The following USP34 variants were observed in gnomAD, a reference collection of about 807,000 sequenced individuals.
USP34 encodes ubiquitin carboxyl-terminal hydrolase 34.
In USP34, 70 loss-of-function variants were observed where a neutral mutation model predicts 460.3. The observed-to-expected ratio is 0.15, with a 90% confidence interval of 0.13 to 0.19. The LOEUF (loss-of-function observed/expected upper bound fraction) is 0.19. Among genes scored for constraint, USP34 ranks in the 10% least tolerant of loss-of-function variants. The pLI, the probability that USP34 is intolerant of heterozygous loss-of-function variation, is 1.00. For synonymous variants in USP34, 1,647 were observed against 1,405.3 expected (o/e 1.17, Z -3.85); for missense variants, 3,985 against 4,236.2 (o/e 0.94, Z 1.65).
At chr2:61,329,343 G>A (rs1347946153) in intron 20 of USP34, among the ~76,000 whole-genome samples, 1 of 152,064 alleles carries the variant, frequency 6.6e-6, no homozygotes, top group Non-Finnish European at 1.5e-5. Context: ...GATTTTTATA[G>A]AGCATAAATG....
chr2:61,337,397 T>C (rs1276500883), intron 18 of USP34, among the ~76,000 whole-genome samples: 1 of 112,982 alleles, frequency 8.9e-6, no homozygotes, highest in Non-Finnish European at 2.1e-5. Flanking sequence ...TTATCCTTTC[T>C]ACTTTTTTTT....
Position 61,280,368 on chromosome 2 carries a change from C to A in USP34, c.5152-20G>T. On this transcript the variant is annotated intron_variant, in intron 38 of 79. Coordinates refer to ENST00000398571, the MANE Select transcript of USP34 (RefSeq NM_014709.4). ...ATCTATCTATTAAAAAAATTTTATACTTTGTGAAAACATTTTAAAAATAAA... is the reference window on the plus strand; with the variant it reads ...ATCTATCTATTAAAAAAATTTTATAATTTGTGAAAACATTTTAAAAATAAA... 8.0e-7 allele frequency: 1 copy of A among 1,250,266 alleles called. No homozygotes were observed. Among genetic ancestry groups the A allele is most frequent in the Non-Finnish European group, 1.1e-6 (1 of 925,184 alleles). 77.4% of individuals were successfully genotyped at this position (1,250,266 alleles called of 1,614,324 possible). A position where few individuals can be genotyped will look rare whatever the true frequency, so the allele number is the denominator to read the frequency against.
intron 75 of USP34, chr2:61,194,084 G>C: frequency 2.0e-6 from 2 of 984,932 alleles, no homozygotes; most frequent in Non-Finnish European, 2.4e-6. Context: ...CATGTGGGTT[G>C]TAATTTGCCA....
At chr2:61,262,130 T>TATAGATAGATAG (rs59881307) in intron 43 of USP34, among the ~76,000 whole-genome samples, 7 of 113,706 alleles carry the variant, frequency 6.2e-5, no homozygotes, top group East Asian at 5.8e-4. Context: ...TATATATATA[T>TATAGATAGATAG]ATAGATAGAT....
Position 61,221,462 on chromosome 2 carries a change from C to A in USP34, c.7899+40G>T, listed in dbSNP as rs764283855. The A allele has an allele frequency of 1.9e-6, 3 of 1,548,644 alleles. No homozygotes were observed. In the South Asian group the frequency reaches 3.6e-5, roughly 18 times the overall value. On this transcript the variant is annotated intron_variant, in intron 66 of 79. Coordinates refer to ENST00000398571, the MANE Select transcript of USP34 (RefSeq NM_014709.4). ...GACTATATTATAAAAATAAAATCCT[C>A]AGGAAAATAAACATTGAAAACACCT...
At chr2:61,190,494 C>CT (rs1183437188) in intron 77 of USP34, 24 bp downstream of exon 77, 1 of 1,608,070 alleles carries the variant, frequency 6.2e-7, no homozygotes, top group African/African-American at 1.3e-5. Flanking sequence ...AAATGACACA[C>CT]TGAGTTTCCA....
intron 30 of USP34, among the ~76,000 whole-genome samples, chr2:61,296,508 AAAC>A (rs1419503176): frequency 2.6e-5 from 4 of 152,228 alleles, no homozygotes; most frequent in African/African-American, 9.6e-5. Flanking sequence ...TAAGAACAAA[AAAC>A]AATATTAAAA....
Position 61,319,207 on chromosome 2 carries a change from CCCATAG to C in USP34, c.3128_3133del (p.Ala1043_Met1044del). 1 of 1,583,172 alleles carries C rather than the reference CCCATAG, an allele frequency of 6.3e-7. No individual in the cohort carries two copies. The stretch of plus-strand genomic sequence containing the variant: ...GAAAAGATGTTTGTAGGTTTCCATA[CCCATAG>C]CATGTTGATCTTTACTTCGAACTTG... On this transcript the variant is annotated inframe_deletion, in exon 22 of 80. Transcript: ENST00000398571.
At chr2:61,392,569 A>G (rs1693382324) in intron 5 of USP34, among the ~76,000 whole-genome samples, 1 of 152,100 alleles carries the variant, frequency 6.6e-6, no homozygotes, top group South Asian at 2.1e-4. Context: ...TGCTGCAGTG[A>G]GCCAAGATGG....
intron 37 of USP34, among the ~76,000 whole-genome samples, chr2:61,282,677 C>A (rs928827182): frequency 1.3e-5 from 2 of 152,030 alleles, no homozygotes; most frequent in African/African-American, 2.4e-5. Flanking sequence ...ATGGTCCCAG[C>A]TACTTGGGAG....
At chr2:61,449,080 C>A (rs1695195944) in intron 1 of USP34, among the ~76,000 whole-genome samples, 1 of 151,944 alleles carries the variant, frequency 6.6e-6, no homozygotes, top group South Asian at 2.1e-4. Context: ...CTGCTTGAAC[C>A]TGGGAGGTGG....
intron 2 of USP34, among the ~76,000 whole-genome samples, chr2:61,411,839 T>A: frequency 6.6e-6 from 1 of 152,202 alleles, no homozygotes; most frequent in East Asian, 1.9e-4. Flanking sequence ...AGGATAACAA[T>A]AATAAGATAT....
At chr2:61,452,347 CAG>C (rs1263662213) in intron 1 of USP34, among the ~76,000 whole-genome samples, 68 of 102,280 alleles carry the variant, frequency 6.6e-4, no homozygotes, top group African/African-American at 2.5e-3. Context: ...TTTTTTGAGA[CAG>C]AGTCTCACTC....
intron 5 of USP34, among the ~76,000 whole-genome samples, chr2:61,392,112 G>C (rs540980759): frequency 1.3e-5 from 2 of 152,280 alleles, no homozygotes; most frequent in South Asian, 2.1e-4. Flanking sequence ...CTAAACCTTT[G>C]TATTTAGTAA....
At chr2:61,422,269 A>T (rs964746544) in intron 1 of USP34, among the ~76,000 whole-genome samples, 1 of 152,228 alleles carries the variant, frequency 6.6e-6, no homozygotes, top group Non-Finnish European at 1.5e-5. Flanking sequence ...TTCCCCAGCC[A>T]TAACAGTGCC....
At chr2:61,441,948 C>G (rs1192384285) in intron 1 of USP34, among the ~76,000 whole-genome samples, 3 of 151,562 alleles carry the variant, frequency 2.0e-5, no homozygotes, top group Non-Finnish European at 4.4e-5. Flanking sequence ...CGGAACAGAA[C>G]AGAGTGCCCA....
chr2:61,447,222 T>G (rs1275660521), intron 1 of USP34, among the ~76,000 whole-genome samples: 2 of 113,664 alleles, frequency 1.8e-5, no homozygotes, highest in Admixed American at 2.8e-4. Flanking sequence ...ACCACTGCAC[T>G]CCAGCCTGGG....
Position 61,187,925 on chromosome 2 carries a change from G to T in USP34, c.*177C>A. 7.0e-7 allele frequency: 1 copy of T among 1,429,836 alleles called. No individual in the cohort carries two copies. Among genetic ancestry groups the T allele is most frequent in the Non-Finnish European group, 9.2e-7 (1 of 1,089,800 alleles). The allele number at this position is 1,429,836 out of a possible 1,614,324, so 88.6% of individuals were successfully genotyped here. On this transcript the variant is annotated 3_prime_UTR_variant, in exon 80 of 80. Transcript: ENST00000398571. Reference sequence around the variant, plus strand: ...GCCCTTTAGGAAGTATACTGAAGATGCAAGTTTTTTTCATCTGGAGTTCTG... The same window carrying T: ...GCCCTTTAGGAAGTATACTGAAGATTCAAGTTTTTTTCATCTGGAGTTCTG...
chr2:61,220,524 T>C lies in USP34; in HGVS notation c.7900-67A>G, dbSNP rs759607355. 3.6e-4 allele frequency: 504 copies of C among 1,419,602 alleles called. 2 individuals carry two copies. The highest frequency in any genetic ancestry group is 4.6e-4 in the Non-Finnish European group (484 of 1,056,960). The allele number at this position is 1,419,602 out of a possible 1,614,324, so 87.9% of individuals were successfully genotyped here. On this transcript the variant is annotated intron_variant, in intron 66 of 79. Transcript: ENST00000398571. ...ATGAGCAATTACTTTTACTTACTTT[T>C]TGTATATGCTATTAGACACAAAGCT...
Sources: allele counts gnomAD v4.1 joint callset (sites outside exome capture counted in the v4.1 genomes callset), GRCh38; gene constraint gnomAD v4.1.1; transcripts MANE v1.5; gene names NCBI Gene and HGNC (gene_info 2026-07-23, HGNC 2026-07-21).